Variants in CASZ1 observed in about 807,000 individuals in gnomAD.
The protein encoded by CASZ1 is zinc finger protein castor homolog 1.
Under a neutral mutation model 135.2 loss-of-function variants are expected in CASZ1, and 28 were observed. That is an observed-to-expected ratio of 0.21 (90% CI 0.15 to 0.28). The LOEUF (loss-of-function observed/expected upper bound fraction) is 0.28. Among genes scored for constraint, CASZ1 ranks in the 10% least tolerant of loss-of-function variants. The pLI is 1.00. For missense variants in CASZ1, 2,161 were observed against 2,453.3 expected (o/e 0.88, Z 2.52); for synonymous variants, 1,068 against 1,073.4 (o/e 0.99, Z 0.10).
At chr1:10,698,556 G>GA (rs200466877) in intron 3 of CASZ1, among the ~76,000 whole-genome samples, 1,718 of 151,788 alleles carry the variant, frequency 0.011, 37 homozygotes, top group African/African-American at 0.037. Flanking sequence ...CAGAGAAAAA[G>GA]AAAGGCCAGC....
At position 10,639,866 on chromosome 1, in the gene CASZ1, G is replaced by T; in HGVS notation, c.4356C>A (p.Leu1452=). Residue 1452 remains leucine, a synonymous_variant, in exon 21 of 21, where the codon CTC becomes CTA. Transcript: ENST00000377022. The surrounding 1 kb of genome is among the most constrained non-coding windows in gnomAD (Gnocchi z 4.0). Reference sequence around the variant, plus strand: ...GCGTGCAGTGGTAGTGGGTGACCTTGAGCGAGAACTGACAAGCTGCGTCCT... The same window carrying T: ...GCGTGCAGTGGTAGTGGGTGACCTTTAGCGAGAACTGACAAGCTGCGTCCT... ...DCKDAACQFS[L]KVTHYHCTRE... 6.2e-7 allele frequency: 1 copy of T among 1,612,232 alleles called. No individual in the cohort carries two copies. The highest frequency in any genetic ancestry group is 1.3e-5 in the African/African-American group (1 of 75,064).
rs1040944886 is a variant in CASZ1, at chr1:10,639,609, C to G, written c.4613G>C (p.Gly1538Ala). ...CGCGGCGCTGATCACGTCCTGTTTG[C>G]CGTGGTGCTTGCGATGCGCCGTGAC... Reference protein sequence around the residue: ...TKVTAHRKHHGKQDVISAAGF... With the variant: ...TKVTAHRKHHAKQDVISAAGF... The change falls in exon 21 of 21, where the codon GGC becomes GCC. Residue 1538 changes from glycine (G) to alanine (A), a missense_variant. By Grantham distance (60) the Gly-to-Ala change is moderately conservative. This residue lies in a region of CASZ1 where 240 missense variants were observed against 321.4 expected (regional missense o/e 0.75). Coordinates refer to ENST00000377022, the MANE Select transcript of CASZ1 (RefSeq NM_001079843.3). The surrounding 1 kb of genome is among the most constrained non-coding windows in gnomAD (Gnocchi z 4.0). 6 of 1,610,882 alleles carry G rather than the reference C, an allele frequency of 3.7e-6. No homozygotes were observed. The highest frequency in any genetic ancestry group is 5.1e-6 in the Non-Finnish European group (6 of 1,179,700).
At chr1:10,734,055 C>T (rs560729716) in intron 2 of CASZ1, among the ~76,000 whole-genome samples, 1 of 152,322 alleles carries the variant, frequency 6.6e-6, no homozygotes, top group South Asian at 2.1e-4. Flanking sequence ...GAGCCACCAG[C>T]CCAGGAGGAG....
chr1:10,720,669 C>T lies in CASZ1; in HGVS notation c.-76-15125G>A, dbSNP rs1219870423. Among the ~76,000 whole-genome samples, 1 of 152,210 alleles carries T rather than the reference C, an allele frequency of 6.6e-6. No homozygotes were observed. The highest frequency in any genetic ancestry group is 6.5e-5 in the Admixed American group (1 of 15,290). On this transcript the variant is annotated intron_variant, in intron 2 of 20. Transcript: ENST00000377022. The surrounding 1 kb of genome is among the most constrained non-coding windows in gnomAD (Gnocchi z 5.7). ...TTTCGAGTACATGTGATAATGACTC[C>T]AGGCTTCGCTTCTGCTGCCCCCAGA...
At chr1:10,734,369 GT>G (rs562978070) in intron 2 of CASZ1, among the ~76,000 whole-genome samples, 1 of 145,418 alleles carries the variant, frequency 6.9e-6, no homozygotes, top group African/African-American at 2.5e-5. Context: ...TTTTTATTTT[GT>G]TTTTTTTCGG....
At chr1:10,732,366 A>G (rs1440023774) in intron 2 of CASZ1, among the ~76,000 whole-genome samples, 4 of 151,626 alleles carry the variant, frequency 2.6e-5, no homozygotes, top group Non-Finnish European at 5.9e-5. Context: ...TTCCACACAA[A>G]CCAAAACTTT....
rs1207755357 is a variant in CASZ1, at chr1:10,725,288, A to G, written c.-76-19744T>C. Among the ~76,000 whole-genome samples the G allele has an allele frequency of 1.3e-5, 2 of 152,206 alleles. No individual in the cohort carries two copies. The highest frequency in any genetic ancestry group is 4.8e-5 in the African/African-American group (2 of 41,452). ...TCTGCCAGGCCCCTCCACCGTGCCA[A>G]TGCCAACACCGTGGCCGCCTCCCGC... On this transcript the variant is annotated intron_variant, in intron 2 of 20. Transcript: ENST00000377022. The surrounding 1 kb of genome is among the most constrained non-coding windows in gnomAD (Gnocchi z 4.4).
rs1638348514 is a variant in CASZ1, at chr1:10,679,645, A to G, written c.17-14074T>C. Among the ~76,000 whole-genome samples the G allele has an allele frequency of 6.6e-6, 1 of 152,096 alleles. No individual in the cohort carries two copies. Among genetic ancestry groups the G allele is most frequent in the South Asian group, 2.1e-4 (1 of 4,814 alleles). On this transcript the variant is annotated intron_variant, in intron 4 of 20. Transcript: ENST00000377022. The surrounding 1 kb of genome is among the most constrained non-coding windows in gnomAD (Gnocchi z 4.7). ...TGGGTGGTGGGTCTGGGCTCTGTCC[A>G]CATCCTGTGCCTGCACGGGCACCCT...
At chr1:10,779,941 G>A (rs1247440360) in intron 1 of CASZ1, among the ~76,000 whole-genome samples, 1 of 152,146 alleles carries the variant, frequency 6.6e-6, no homozygotes, top group Non-Finnish European at 1.5e-5. Context: ...CTGGCCCTTG[G>A]GGATCTGGCC....
intron 4 of CASZ1, among the ~76,000 whole-genome samples, chr1:10,689,435 C>T (rs981018968): frequency 6.6e-6 from 1 of 152,316 alleles, no homozygotes; most frequent in Middle Eastern, 3.4e-3. Flanking sequence ...CCAGTAGTAC[C>T]GACAAGGCCA....
rs1235631272 is a variant in CASZ1, at chr1:10,788,952, C to T, written c.-234+7612G>A. 1.3e-5 allele frequency among the ~76,000 whole-genome samples: 2 copies of T among 152,224 alleles called. No homozygotes were observed. Among genetic ancestry groups the T allele is most frequent in the African/African-American group, 4.8e-5 (2 of 41,452 alleles). ...GCCACCTAGTGTCCAGAGCTGAGCT[C>T]TAGCCACCACTCTGTCCCTCCTGCT... is the stretch of plus-strand genomic sequence containing the variant. On this transcript the variant is annotated intron_variant, in intron 1 of 20. Coordinates refer to ENST00000377022, the MANE Select transcript of CASZ1 (RefSeq NM_001079843.3). The surrounding 1 kb of genome is among the most constrained non-coding windows in gnomAD (Gnocchi z 4.1).
chr1:10,744,876 G>A (rs371299576), intron 2 of CASZ1, among the ~76,000 whole-genome samples: 14 of 152,120 alleles, frequency 9.2e-5, no homozygotes, highest in African/African-American at 1.2e-4. Flanking sequence ...CAGGCACCCC[G>A]GTACACGGTA....
chr1:10,671,572 G>T (rs1433751387), intron 4 of CASZ1, among the ~76,000 whole-genome samples: 1 of 152,170 alleles, frequency 6.6e-6, no homozygotes, highest in Non-Finnish European at 1.5e-5. Flanking sequence ...AGTGGAAGGG[G>T]TCTGATTGGT....
At chr1:10,766,550 G>A (rs894797735) in intron 1 of CASZ1, among the ~76,000 whole-genome samples, 3 of 152,144 alleles carry the variant, frequency 2.0e-5, no homozygotes, top group East Asian at 1.9e-4. Flanking sequence ...GCTTCTGGCC[G>A]GGCTGAAAGG....
At chr1:10,761,503 G>A (rs1640373909) in intron 1 of CASZ1, among the ~76,000 whole-genome samples, 2 of 152,146 alleles carry the variant, frequency 1.3e-5, no homozygotes, top group African/African-American at 4.8e-5. Context: ...CCCTTGCCCT[G>A]AAAGGGGGCT....
chr1:10,638,971 G>A lies in CASZ1; in HGVS notation c.5251C>T (p.Pro1751Ser). Residue 1751 changes from proline to serine, a missense_variant, in exon 21 of 21, where the codon CCC becomes TCC. Pro to Ser is a moderately conservative substitution (Grantham distance 74). Coordinates refer to ENST00000377022, the MANE Select transcript of CASZ1 (RefSeq NM_001079843.3). The surrounding 1 kb of genome is among the most constrained non-coding windows in gnomAD (Gnocchi z 5.9). ...GGCGAGGAGGCTGCAGTGGGCGCGG[G>A]GCCGGGGGCGCCCAGGGCCGCCAGC... ...AALAALGAPG[P>S]APTAASSP 1 of 981,358 alleles carries A rather than the reference G, an allele frequency of 1.0e-6. No individual in the cohort carries two copies. Among genetic ancestry groups the A allele is most frequent in the Non-Finnish European group, 1.2e-6 (1 of 828,648 alleles). The allele number at this position is 981,358 out of a possible 1,614,324, so 60.8% of individuals were successfully genotyped here. A position where few individuals can be genotyped will look rare whatever the true frequency, so the allele number is the denominator to read the frequency against.
chr1:10,641,254 C>T (rs560845988), intron 20 of CASZ1, among the ~76,000 whole-genome samples: 24 of 152,340 alleles, frequency 1.6e-4, no homozygotes, highest in Admixed American at 2.6e-4. Flanking sequence ...GGGTGAGGAG[C>T]GGCTTTGGGT....
At chr1:10,653,338 G>T in intron 11 of CASZ1, 39 bp downstream of exon 11, 1 of 1,609,578 alleles carries the variant, frequency 6.2e-7, no homozygotes, top group Non-Finnish European at 8.5e-7. Flanking sequence ...CCCCAGTCCA[G>T]AAGGTGCCTG....
At chr1:10,737,052 T>A (rs184248009) in intron 2 of CASZ1, among the ~76,000 whole-genome samples, 29 of 152,184 alleles carry the variant, frequency 1.9e-4, no homozygotes, top group Non-Finnish European at 5.9e-5. Context: ...TGACCACGGA[T>A]GTACATGTGC....
Sources: gnomAD v4.1 joint callset for allele counts (sites outside exome capture counted in the v4.1 genomes callset) on GRCh38, gnomAD v4.1.1 for gene constraint, gnomAD v4.1.1 regional missense constraint, Gnocchi (gnomAD v3.1) non-coding constraint, MANE v1.5 for transcripts, NCBI Gene and HGNC (gene_info 2026-07-23, HGNC 2026-07-21) for gene names.